Variants in BEND7 observed in about 807,000 individuals in gnomAD.
The protein encoded by BEND7 is BEN domain-containing protein 7.
BEND7 carries 28 observed loss-of-function variants against 50.9 expected under a neutral mutation model. The observed-to-expected ratio is 0.55, with a 90% CI of 0.41 to 0.75. BEND7 has a LOEUF of 0.75. Among genes scored for constraint, BEND7 ranks in the 30% least tolerant of loss-of-function variants. BEND7 has a pLI of 0.00. For missense variants in BEND7, 477 were observed against 491.3 expected (o/e 0.97, Z 0.28); for synonymous variants, 170 against 183.9 (o/e 0.92, Z 0.61).
chr10:13,521,397 A>G (rs2132680316), intron 2 of BEND7, among the ~76,000 whole-genome samples: 1 of 152,312 alleles, frequency 6.6e-6, no homozygotes, highest in South Asian at 2.1e-4. Flanking sequence ...AAAGTCCTTT[A>G]CATAGTGCTG....
intron 2 of BEND7, among the ~76,000 whole-genome samples, chr10:13,522,667 T>C (rs190880741): frequency 1.2e-4 from 18 of 152,348 alleles, no homozygotes; most frequent in Admixed American, 2.6e-4. Context: ...TCAACATCTC[T>C]GCTTTGCAGA....
chr10:13,528,561 G>C lies in BEND7; in HGVS notation c.-28C>G. 2 of 992,946 alleles carry C rather than the reference G, an allele frequency of 2.0e-6. No individual in the cohort carries two copies. Among genetic ancestry groups the C allele is most frequent in the Non-Finnish European group, 2.4e-6 (2 of 839,784 alleles). The allele number at this position is 992,946 out of a possible 1,614,324, so 61.5% of individuals were successfully genotyped here. On this transcript the variant is annotated 5_prime_UTR_variant, in exon 1 of 9. Transcript: ENST00000466271. ...TGCGGGGAAGGCGGCGGCGGGGGCT[G>C]AGGAGGCGGCGGCAGCGGCGGCAGC...
chr10:13,463,678 G>A (rs1287838116), intron 6 of BEND7, among the ~76,000 whole-genome samples: 1 of 152,178 alleles, frequency 6.6e-6, no homozygotes, highest in East Asian at 1.9e-4. Flanking sequence ...TCTGAGTAGG[G>A]AGGATCTTTT....
At chr10:13,449,471 A>G (rs1837210926) in intron 7 of BEND7, among the ~76,000 whole-genome samples, 1 of 152,244 alleles carries the variant, frequency 6.6e-6, no homozygotes, top group Non-Finnish European at 1.5e-5. Flanking sequence ...AACTCACTCC[A>G]GGTAACACAG....
chr10:13,524,193 A>C (rs1407207279), intron 2 of BEND7, among the ~76,000 whole-genome samples: 1 of 152,194 alleles, frequency 6.6e-6, no homozygotes, highest in Non-Finnish European at 1.5e-5. Context: ...CCACTTTTCT[A>C]GTAGTACACA....
chr10:13,480,824 A>G, intron 6 of BEND7, 75 bp downstream of exon 6: 1 of 1,588,770 alleles, frequency 6.3e-7, no homozygotes, highest in South Asian at 1.2e-5. Flanking sequence ...AGTTTACTAC[A>G]ATTTCAGCTG....
chr10:13,445,417 G>C (rs1171861555), intron 8 of BEND7: 1 of 152,234 alleles, frequency 6.6e-6, no homozygotes, highest in African/African-American at 2.4e-5. Context: ...AACATGCAGA[G>C]AAAAGCTGGC....
At chr10:13,503,002 G>A in intron 2 of BEND7, 1 of 905,058 alleles carries the variant, frequency 1.1e-6, no homozygotes, top group South Asian at 5.1e-5. Context: ...ATTAGCAACA[G>A]GAAGGCGTCA....
intron 7 of BEND7, 49 bp from the exon 8 acceptor site, chr10:13,447,365 C>T: frequency 6.3e-7 from 1 of 1,590,384 alleles, no homozygotes; most frequent in Non-Finnish European, 8.6e-7. Context: ...CCAGGGAGCA[C>T]ATTCATTTTA....
chr10:13,452,967 C>T (rs1458834583), intron 6 of BEND7, among the ~76,000 whole-genome samples: 2 of 152,162 alleles, frequency 1.3e-5, no homozygotes, highest in East Asian at 3.8e-4. Flanking sequence ...AAAATGCTTC[C>T]TAAGGGTCTA....
chr10:13,511,989 C>T (rs1050622349), intron 2 of BEND7, among the ~76,000 whole-genome samples: 29 of 152,112 alleles, frequency 1.9e-4, no homozygotes, highest in Non-Finnish European at 3.4e-4. Context: ...ACGTGGGTGC[C>T]GTGTGAACTA....
intron 6 of BEND7, among the ~76,000 whole-genome samples, chr10:13,455,446 C>A (rs1469370133): frequency 6.6e-6 from 1 of 151,912 alleles, no homozygotes; most frequent in Non-Finnish European, 1.5e-5. Context: ...ACAGAAGGGG[C>A]GGCTTGGTGC....
chr10:13,488,484 ATTTTCTTT>A (rs1355053964), intron 5 of BEND7, among the ~76,000 whole-genome samples: 2 of 151,768 alleles, frequency 1.3e-5, no homozygotes, highest in Non-Finnish European at 2.9e-5. Context: ...TAAATACTGT[ATTTTCTTT>A]TTTTCTTTTT....
chr10:13,449,624 G>A (rs1378052401), intron 7 of BEND7, among the ~76,000 whole-genome samples: 1 of 151,956 alleles, frequency 6.6e-6, no homozygotes. Flanking sequence ...TTTATATTTT[G>A]GCAACTTTCT....
intron 2 of BEND7, among the ~76,000 whole-genome samples, chr10:13,515,688 G>GTTCA: frequency 6.6e-6 from 1 of 152,332 alleles, no homozygotes; most frequent in Non-Finnish European, 1.5e-5. Context: ...CGGCCAAAAT[G>GTTCA]TTCAGCACAG....
At chr10:13,493,692 T>C (rs2076833994) in intron 4 of BEND7, among the ~76,000 whole-genome samples, 1 of 152,188 alleles carries the variant, frequency 6.6e-6, no homozygotes, top group African/African-American at 2.4e-5. Flanking sequence ...TCCAGGATGG[T>C]AAATTACAGT....
intron 1 of BEND7, 38 bp downstream of exon 1, chr10:13,528,435 G>GCCCGCTGCCTGCC (rs2079563164): frequency 1.0e-6 from 1 of 981,252 alleles, no homozygotes. Flanking sequence ...AGGGCGCGGC[G>GCCCGCTGCCTGCC]CCCGCTGCCT....
intron 6 of BEND7, among the ~76,000 whole-genome samples, chr10:13,467,362 C>T (rs570858248): frequency 5.9e-5 from 9 of 152,252 alleles, no homozygotes; most frequent in African/African-American, 1.9e-4. Context: ...CTATGGATTC[C>T]GTTATTAGGT....
At chr10:13,440,197 G>A (rs1360555320), downstream of BEND7, among the ~76,000 whole-genome samples, 1 of 152,172 alleles carries the variant, frequency 6.6e-6, no homozygotes, top group Non-Finnish European at 1.5e-5. Context: ...GTTCTGCCAG[G>A]ATACCTCAAA....
Sources: allele counts gnomAD v4.1 joint callset (sites outside exome capture counted in the v4.1 genomes callset), GRCh38; gene constraint gnomAD v4.1.1; transcripts MANE v1.5; gene names NCBI Gene and HGNC (gene_info 2026-07-23, HGNC 2026-07-21).